AMPH: variants seen among roughly 807,000 people sequenced by gnomAD.
AMPH encodes the protein amphiphysin, also known as amphiphysin (Stiff-Mann syndrome with breast cancer 128kD autoantigen).
In AMPH, 49 loss-of-function variants were observed where a neutral mutation model predicts 99.1. That is an observed-to-expected ratio of 0.49 (90% CI 0.39 to 0.63). The LOEUF is 0.63. Ranked by LOEUF, AMPH falls within the 20% of genes least tolerant of loss-of-function variation. The pLI is 0.00. For synonymous variants in AMPH, 314 were observed against 317.3 expected (o/e 0.99, Z 0.11); for missense variants, 759 against 863.4 (o/e 0.88, Z 1.52).
intron 11 of AMPH, among the ~76,000 whole-genome samples, chr7:38,447,343 A>G (rs991551889): frequency 6.6e-6 from 1 of 152,332 alleles, no homozygotes; most frequent in African/African-American, 2.4e-5. Context: ...ATTTAAATGG[A>G]AAAAAGTGGC....
At chr7:38,420,072 C>T (rs1041257966) in intron 16 of AMPH, among the ~76,000 whole-genome samples, 4 of 152,178 alleles carry the variant, frequency 2.6e-5, no homozygotes, top group East Asian at 1.9e-4. Context: ...TGCTTATGTT[C>T]CCCACAAGTC....
At chr7:38,428,704 C>A (rs1209394510) in intron 14 of AMPH, 2 of 456,710 alleles carry the variant, frequency 4.4e-6, no homozygotes, top group Admixed American at 4.7e-5. Flanking sequence ...GGGTGATTGG[C>A]AGGTTTGGCT....
chr7:38,502,846 T>C (rs907780237), intron 3 of AMPH, among the ~76,000 whole-genome samples: 1 of 152,212 alleles, frequency 6.6e-6, no homozygotes, highest in Non-Finnish European at 1.5e-5. Context: ...CTTTACTATA[T>C]CTGGAATTAG....
chr7:38,625,749 G>C (rs1344658436), intron 1 of AMPH, among the ~76,000 whole-genome samples: 3 of 152,018 alleles, frequency 2.0e-5, no homozygotes, highest in Non-Finnish European at 2.9e-5. Context: ...TAATTTAAAA[G>C]GTATGAACAT....
intron 17 of AMPH, among the ~76,000 whole-genome samples, chr7:38,394,528 A>G (rs566406515): frequency 6.6e-6 from 1 of 152,308 alleles, no homozygotes; most frequent in East Asian, 1.9e-4. Context: ...CCTCTCCACA[A>G]GCTATTTCCA....
intron 2 of AMPH, among the ~76,000 whole-genome samples, chr7:38,515,833 G>T (rs1334952961): frequency 2.6e-5 from 4 of 152,236 alleles, no homozygotes; most frequent in Non-Finnish European, 5.9e-5. Context: ...GGCTGAGGAG[G>T]TCTCAGATGG....
chr7:38,526,040 G>A (rs2129036804), intron 2 of AMPH, among the ~76,000 whole-genome samples: 1 of 152,226 alleles, frequency 6.6e-6, no homozygotes, highest in South Asian at 2.1e-4. Context: ...TCCCACAGTG[G>A]CTATGAATCA....
intron 16 of AMPH, chr7:38,420,844 A>T: frequency 4.9e-6 from 2 of 409,618 alleles, no homozygotes; most frequent in South Asian, 3.6e-5. Context: ...TGTACTCAAA[A>T]GATGTCCTGC....
At chr7:38,583,684 C>T (rs1445583498) in intron 1 of AMPH, among the ~76,000 whole-genome samples, 1 of 152,166 alleles carries the variant, frequency 6.6e-6, no homozygotes, top group East Asian at 1.9e-4. Flanking sequence ...AAAGCAGAGC[C>T]CCTGCCCCCA....
intron 11 of AMPH, among the ~76,000 whole-genome samples, chr7:38,441,822 A>ATATC (rs59023967): frequency 0.19 from 17,430 of 92,480 alleles, 2,287 homozygotes; most frequent in East Asian, 0.45. Flanking sequence ...TATATATCAT[A>ATATC]TATCATATAT....
chr7:38,391,636 T>A, intron 19 of AMPH, 112 bp downstream of exon 19: 1 of 1,083,330 alleles, frequency 9.2e-7, no homozygotes, highest in Admixed American at 2.7e-5. Flanking sequence ...GGAAAGCAGT[T>A]CACAGAAATA....
At chr7:38,538,522 T>C (rs927698547) in intron 1 of AMPH, among the ~76,000 whole-genome samples, 1 of 152,170 alleles carries the variant, frequency 6.6e-6, no homozygotes, top group Non-Finnish European at 1.5e-5. Flanking sequence ...TTGATTTTCT[T>C]GTACAGACCA....
chr7:38,423,248 T>C (rs1450848794), intron 15 of AMPH, among the ~76,000 whole-genome samples: 1 of 152,234 alleles, frequency 6.6e-6, no homozygotes, highest in Non-Finnish European at 1.5e-5. Context: ...TCATAAAATA[T>C]GTTCATTGAC....
chr7:38,409,031 T>A (rs80022147), intron 17 of AMPH, among the ~76,000 whole-genome samples: 8,810 of 152,232 alleles, frequency 0.058, 360 homozygotes, highest in East Asian at 0.2. Context: ...AATGTTCTCA[T>A]TTTAGAAGGG....
intron 1 of AMPH, among the ~76,000 whole-genome samples, chr7:38,599,746 G>A (rs1416119614): frequency 6.6e-6 from 1 of 151,038 alleles, no homozygotes; most frequent in Non-Finnish European, 1.5e-5. Flanking sequence ...TATTTGTTCT[G>A]TAGCATGCAC....
Position 38,417,949 on chromosome 7 carries a change from G to A in AMPH, c.1274C>T (p.Ala425Val), listed in dbSNP as rs760249336. The A allele has an allele frequency of 6.2e-7, 1 of 1,613,252 alleles. No individual in the cohort carries two copies. The highest frequency in any genetic ancestry group is 8.5e-7 in the Non-Finnish European group (1 of 1,179,678). Residue 425 changes from alanine (A) to valine (V), a missense_variant and splice_region_variant, in exon 17 of 21, where the codon GCT becomes GTT. Ala to Val is a moderately conservative substitution (Grantham distance 64). Around this residue, in one of 2 missense-constraint regions of AMPH, gnomAD observed 554 missense variants for 575.6 expected, o/e 0.96. Transcript: ENST00000356264. Reference protein sequence around the residue: ...QTDQSMICNLAESEQAPPTEP... With the variant: ...QTDQSMICNLVESEQAPPTEP... ...TGTGGGTGGAGCCTGTTCAGATTCA[G>A]CCTTGGAGTGTTTGTTTTGAGGGTT...
chr7:38,620,590 C>CAT (rs1794026105), intron 1 of AMPH, among the ~76,000 whole-genome samples: 2 of 143,748 alleles, frequency 1.4e-5, no homozygotes, highest in Admixed American at 6.9e-5. Context: ...CACACACACA[C>CAT]GTGCAATTGA....
chr7:38,393,761 C>T (rs17413296), intron 18 of AMPH, among the ~76,000 whole-genome samples: 19,464 of 152,186 alleles, frequency 0.13, 1,601 homozygotes, highest in Admixed American at 0.23. Context: ...TTCCCATTCC[C>T]GTTTCCATGC....
intron 17 of AMPH, among the ~76,000 whole-genome samples, chr7:38,413,645 T>C (rs1036977803): frequency 2.6e-5 from 4 of 152,114 alleles, no homozygotes; most frequent in African/African-American, 9.7e-5. Flanking sequence ...TGTGATTTTT[T>C]TTTCTAAGAA....
Sources: gnomAD v4.1 joint callset for allele counts (sites outside exome capture counted in the v4.1 genomes callset) on GRCh38, gnomAD v4.1.1 for gene constraint, gnomAD v4.1.1 regional missense constraint, MANE v1.5 for transcripts, NCBI Gene and HGNC (gene_info 2026-07-23, HGNC 2026-07-21) for gene names.